Variants in PPP2R5A observed in about 807,000 individuals in gnomAD.
The protein encoded by PPP2R5A is protein phosphatase 2 regulatory subunit B'alpha, also known as serine/threonine-protein phosphatase 2A 56 kDa regulatory subunit alpha isoform.
Under a neutral mutation model 64.2 loss-of-function variants are expected in PPP2R5A, and 25 were observed. That is an observed-to-expected ratio of 0.39 (90% CI 0.28 to 0.54). PPP2R5A has a LOEUF of 0.54. Among genes scored for constraint, PPP2R5A ranks in the 20% least tolerant of loss-of-function variants. The pLI is 0.67. For synonymous variants in PPP2R5A, 198 were observed against 201.2 expected (o/e 0.98, Z 0.13); for missense variants, 425 against 576.3 (o/e 0.74, Z 2.69).
At chr1:212,359,189 T>C (rs1660038004) in intron 12 of PPP2R5A, among the ~76,000 whole-genome samples, 1 of 152,230 alleles carries the variant, frequency 6.6e-6, no homozygotes, top group Non-Finnish European at 1.5e-5. Context: ...CAATTTGATT[T>C]TTTATCCATG....
intron 1 of PPP2R5A, among the ~76,000 whole-genome samples, chr1:212,323,383 G>C (rs1331977329): frequency 6.6e-6 from 1 of 152,208 alleles, no homozygotes; most frequent in African/African-American, 2.4e-5. Context: ...ACTAACGTTA[G>C]CAGTAGTACT....
At chr1:212,336,007 T>G (rs572324627) in intron 3 of PPP2R5A, among the ~76,000 whole-genome samples, 1 of 152,342 alleles carries the variant, frequency 6.6e-6, no homozygotes, top group East Asian at 1.9e-4. Flanking sequence ...ATGCTTTCCA[T>G]TTTTAACTGG....
chr1:212,321,241 G>C (rs1399620917), intron 1 of PPP2R5A, among the ~76,000 whole-genome samples: 3 of 135,802 alleles, frequency 2.2e-5, no homozygotes, highest in South Asian at 2.4e-4. Flanking sequence ...GGGCAGAGGG[G>C]CTCCTCACTT....
chr1:212,300,604 T>C (rs1352735204), intron 1 of PPP2R5A, among the ~76,000 whole-genome samples: 1 of 152,212 alleles, frequency 6.6e-6, no homozygotes, highest in Non-Finnish European at 1.5e-5. Context: ...GGGATCATAC[T>C]GTGTATGTTG....
chr1:212,345,447 GT>G (rs1297923747), intron 4 of PPP2R5A, among the ~76,000 whole-genome samples: 1 of 152,016 alleles, frequency 6.6e-6, no homozygotes, highest in African/African-American at 2.4e-5. Flanking sequence ...TTTCTATGTA[GT>G]TTTGACGATC....
Position 212,297,809 on chromosome 1 carries a change from G to GT in PPP2R5A, c.181+11533dup, listed in dbSNP as rs78920543. ...ACTGAGAAACAAGATGAAGTGAATT[G>GT]TTTTTTTTTTTTTTTCTTTTTTATT... is the stretch of plus-strand genomic sequence containing the variant. On this transcript the variant is annotated intron_variant, in intron 1 of 12. Coordinates refer to ENST00000261461, the MANE Select transcript of PPP2R5A (RefSeq NM_006243.4). 159 of 40,418 alleles carry GT rather than the reference G, an allele frequency of 3.9e-3. 39 individuals are homozygous for GT. Among genetic ancestry groups the GT allele is most frequent in the African/African-American group, 2.3e-3 (10 of 4,308 alleles). 2.5% of individuals were successfully genotyped at this position (40,418 alleles called of 1,614,324 possible).
In PPP2R5A at chr1:212,289,355, C is replaced by T. The variant is rs1016445112; in HGVS notation, c.181+3064C>T. On this transcript the variant is annotated intron_variant, in intron 1 of 12. Coordinates refer to ENST00000261461, the MANE Select transcript of PPP2R5A (RefSeq NM_006243.4). ...CCATGGCTCATTGTATTTTTACAAA[C>T]ATCCTATTCATTGGGTCATCCCTGA... Among the ~76,000 whole-genome samples the T allele has an allele frequency of 3.9e-5, 6 of 152,158 alleles. No homozygotes were observed. The South Asian group carries it at 8.3e-4, about 21-fold the overall frequency.
chr1:212,300,248 ACT>A (rs3070957), intron 1 of PPP2R5A, among the ~76,000 whole-genome samples: 4,309 of 152,152 alleles, frequency 0.028, 216 homozygotes, highest in African/African-American at 0.097. Context: ...TCACCTGGAT[ACT>A]CTCTATATAT....
Position 212,339,992 on chromosome 1 carries a change from T to TAAAAA in PPP2R5A, c.481-2176_481-2172dup, listed in dbSNP as rs67654928. On this transcript the variant is annotated intron_variant, in intron 3 of 12. Coordinates refer to ENST00000261461, the MANE Select transcript of PPP2R5A (RefSeq NM_006243.4). The stretch of plus-strand genomic sequence containing the variant: ...TCTCTTCATCTCAAGACATGCTGCT[T>TAAAAA]AAAAAAAAAAAAAAAAAAAAAAAAG... Among the ~76,000 whole-genome samples the TAAAAA allele has an allele frequency of 2.5e-4, 18 of 72,704 alleles. 1 individual carries two copies. The highest frequency in any genetic ancestry group is 3.7e-4 in the Admixed American group (2 of 5,394). The allele number at this position is 72,704 out of a possible 152,430, so 47.7% of individuals were successfully genotyped here. A position where few individuals can be genotyped will look rare whatever the true frequency, so the allele number is the denominator to read the frequency against.
chr1:212,314,262 C>T (rs1043190966), intron 1 of PPP2R5A, among the ~76,000 whole-genome samples: 8 of 152,298 alleles, frequency 5.3e-5, no homozygotes, highest in Admixed American at 3.3e-4. Flanking sequence ...AGAATTCCAT[C>T]CTCTAGTTTT....
In PPP2R5A at chr1:212,286,142, C is replaced by T; in HGVS notation, c.32C>T (p.Ala11Val). 6.3e-7 allele frequency: 1 copy of T among 1,585,252 alleles called. No individual in the cohort carries two copies. The highest frequency in any genetic ancestry group is 1.7e-5 in the Admixed American group (1 of 57,316). MSSSSPPAGA[A>V]SAAISASEKV... ...TCGTCGTCGCCGCCGGCGGGGGCTG[C>T]CAGCGCCGCCATCTCGGCCTCGGAG... Residue 11 changes from alanine to valine, a missense_variant, in exon 1 of 13, where the codon GCC becomes GTC. By Grantham distance (64) the Ala-to-Val change is moderately conservative. Coordinates refer to ENST00000261461, the MANE Select transcript of PPP2R5A (RefSeq NM_006243.4).
chr1:212,298,920 C>T lies in PPP2R5A; in HGVS notation c.181+12629C>T, dbSNP rs1273019673. On this transcript the variant is annotated intron_variant, in intron 1 of 12. Coordinates refer to ENST00000261461, the MANE Select transcript of PPP2R5A (RefSeq NM_006243.4). ...CTCCCGGACTGGGCGGCTGGCCGGG[C>T]GGGGGGTTGACCCCCCCACCTCCCT... 3.7e-4 allele frequency among the ~76,000 whole-genome samples: 9 copies of T among 24,516 alleles called. No individual in the cohort carries two copies. In the African/African-American group the frequency reaches 4.3e-3, roughly 12 times the overall value. 16.1% of individuals were successfully genotyped at this position (24,516 alleles called of 152,430 possible).
intron 1 of PPP2R5A, among the ~76,000 whole-genome samples, chr1:212,286,799 A>G (rs890049798): frequency 6.6e-6 from 1 of 152,160 alleles, no homozygotes; most frequent in African/African-American, 2.4e-5. Flanking sequence ...CCTAAGAGTC[A>G]TCAGACCAGG....
intron 1 of PPP2R5A, among the ~76,000 whole-genome samples, chr1:212,314,449 C>T (rs1659106202): frequency 6.6e-6 from 1 of 151,874 alleles, no homozygotes; most frequent in Non-Finnish European, 1.5e-5. Context: ...GTTGTCCAGG[C>T]TGGAGTGCAT....
chr1:212,323,856 G>GAGGTCAGGAGATCGAGACCAGCCTGACC (rs1659359095), intron 1 of PPP2R5A, among the ~76,000 whole-genome samples: 2 of 152,014 alleles, frequency 1.3e-5, no homozygotes, highest in Non-Finnish European at 2.9e-5. Context: ...GGTGGATCAC[G>GAGGTCAGGAGATCGAGACCAGCCTGACC]AGGTCAGGAG....
chr1:212,292,864 G>T (rs567293993), intron 1 of PPP2R5A, among the ~76,000 whole-genome samples: 12 of 152,232 alleles, frequency 7.9e-5, no homozygotes, highest in Admixed American at 7.2e-4. Flanking sequence ...GCCTCACCCA[G>T]TTTTTTGGTT....
At chr1:212,343,109 G>A (rs1236676853) in intron 4 of PPP2R5A, among the ~76,000 whole-genome samples, 1 of 146,800 alleles carries the variant, frequency 6.8e-6, no homozygotes, top group Non-Finnish European at 1.5e-5. Flanking sequence ...CACCATGCCC[G>A]GCTGATTTTT....
In PPP2R5A at chr1:212,342,177, T is replaced by C. The variant is rs1659696790; in HGVS notation, c.481-11T>C. The C allele has an allele frequency of 6.2e-7, 1 of 1,611,630 alleles. No homozygotes were observed. Among genetic ancestry groups the C allele is most frequent in the African/African-American group, 1.3e-5 (1 of 74,864 alleles). Reference sequence around the variant, plus strand: ...CCATCATCTTAGCCTTTATTTGACTTTCTCTCATAGTTGGTATATGAATTC... The same window carrying C: ...CCATCATCTTAGCCTTTATTTGACTCTCTCTCATAGTTGGTATATGAATTC... On this transcript the variant is annotated splice_polypyrimidine_tract_variant and intron_variant, in intron 3 of 12. Transcript: ENST00000261461.
chr1:212,305,157 C>T (rs527909587), intron 1 of PPP2R5A, among the ~76,000 whole-genome samples: 1 of 151,482 alleles, frequency 6.6e-6, no homozygotes, highest in Non-Finnish European at 1.5e-5. Flanking sequence ...CTGCCTCAGC[C>T]TCCCAAGAAG....
Sources: allele counts gnomAD v4.1 joint callset (sites outside exome capture counted in the v4.1 genomes callset), GRCh38; gene constraint gnomAD v4.1.1; transcripts MANE v1.5; gene names NCBI Gene and HGNC (gene_info 2026-07-23, HGNC 2026-07-21).